PTPRO: variants seen among roughly 807,000 people sequenced by gnomAD.
The protein encoded by PTPRO is receptor-type tyrosine-protein phosphatase O.
A neutral mutation model predicts 145.2 loss-of-function variants in PTPRO; 62 were observed. The ratio of observed to expected loss-of-function variants is 0.43; its 90% CI spans 0.35 to 0.53. The LOEUF (loss-of-function observed/expected upper bound fraction) is 0.53. Ranked by LOEUF, PTPRO falls within the 20% of genes least tolerant of loss-of-function variation. PTPRO has a pLI of 0.01. For missense variants in PTPRO, 1,345 were observed against 1,482.7 expected, an observed-to-expected ratio of 0.91 and a Z score of 1.53; for synonymous variants, 565 against 514.7, an observed-to-expected ratio of 1.10 and a Z score of -1.32.
intron 1 of PTPRO, among the ~76,000 whole-genome samples, chr12:15,414,992 TAAGCTCAAAAATGAACTC>T (rs1157198635): frequency 6.6e-6 from 1 of 152,166 alleles, no homozygotes; most frequent in Non-Finnish European, 1.5e-5. Context: ...TCTTCAAGAA[TAAGCTCAAAAATGAACTC>T]CACCAATTGA....
chr12:15,354,974 C>T (rs534886976), intron 1 of PTPRO, among the ~76,000 whole-genome samples: 1 of 152,282 alleles, frequency 6.6e-6, no homozygotes, highest in Admixed American at 6.5e-5. Context: ...GCATTTCCCC[C>T]CAATACATTT....
intron 6 of PTPRO, among the ~76,000 whole-genome samples, chr12:15,505,479 G>A (rs1187520510): frequency 1.3e-5 from 2 of 151,992 alleles, no homozygotes; most frequent in Admixed American, 6.6e-5. Context: ...AGAATATGTC[G>A]GAATTGCTCA....
At chr12:15,590,466 C>G (rs781466835) in intron 25 of PTPRO, among the ~76,000 whole-genome samples, 4 of 152,166 alleles carry the variant, frequency 2.6e-5, no homozygotes, top group Non-Finnish European at 5.9e-5. Flanking sequence ...CTGGCCCGAC[C>G]TGTAATCAGG....
At chr12:15,565,379 A>G in intron 17 of PTPRO, 2 of 440,720 alleles carry the variant, frequency 4.5e-6, no homozygotes, top group South Asian at 5.4e-5. Flanking sequence ...AAGTGCAGAT[A>G]TGTTCATGCA....
rs1942275448 is a variant in PTPRO, at chr12:15,504,165, T to C, written c.1267+96T>C. ...CTCAGATGTCAATTATTCACAAACC[T>C]TAGGGATGATGAGAAGTCTTCAAGA... On this transcript the variant is annotated intron_variant, in intron 6 of 26. Transcript: ENST00000281171. The C allele has an allele frequency of 8.2e-6, 11 of 1,336,584 alleles. No homozygotes were observed. In the South Asian group the frequency reaches 1.4e-4, roughly 17 times the overall value. 82.8% of individuals were successfully genotyped at this position (1,336,584 alleles called of 1,614,324 possible).
At chr12:15,340,705 T>A (rs951663466) in intron 1 of PTPRO, among the ~76,000 whole-genome samples, 1 of 152,148 alleles carries the variant, frequency 6.6e-6, no homozygotes, top group African/African-American at 2.4e-5. Context: ...ATCTGGAGCT[T>A]TTATGGTCAA....
chr12:15,520,251 G>A lies in PTPRO; in HGVS notation c.1830G>A (p.Met610Ile), dbSNP rs1942687366. 1 of 1,613,914 alleles carries A rather than the reference G, an allele frequency of 6.2e-7. No homozygotes were observed. The highest frequency in any genetic ancestry group is 8.5e-7 in the Non-Finnish European group (1 of 1,179,886). Residue 610 changes from methionine to isoleucine, a missense_variant, in exon 10 of 27, where the codon ATG becomes ATA. Transcript: ENST00000281171. ...PAWYYNFRVT[M>I]VTWGDPELSC... is the part of the protein sequence containing the mutation. ...GGTACTACAACTTCCGGGTTACCAT[G>A]GTGACGTGGGGAGATCCAGAATTGA...
intron 19 of PTPRO, among the ~76,000 whole-genome samples, chr12:15,571,479 G>A (rs988039153): frequency 6.6e-6 from 1 of 152,038 alleles, no homozygotes; most frequent in Non-Finnish European, 1.5e-5. Flanking sequence ...GTAGAGACAG[G>A]GTTTCACCAT....
chr12:15,461,204 A>G (rs568470168), intron 1 of PTPRO, among the ~76,000 whole-genome samples: 9 of 152,308 alleles, frequency 5.9e-5, no homozygotes, highest in South Asian at 2.1e-4. Flanking sequence ...ATTTCTTTCT[A>G]TTGATCCCAG....
chr12:15,458,471 A>C (rs529797686), intron 1 of PTPRO, among the ~76,000 whole-genome samples: 1 of 151,982 alleles, frequency 6.6e-6, no homozygotes, highest in Admixed American at 6.6e-5. Context: ...CCCATAATGC[A>C]TATATAGGCC....
chr12:15,557,490 C>T lies in PTPRO; in HGVS notation c.2594C>T (p.Ser865Phe), dbSNP rs1303410498. Residue 865 changes from serine to phenylalanine, a missense_variant, in exon 16 of 27, where the codon TCC (serine) becomes TTC (phenylalanine). By Grantham distance (155) the Ser-to-Phe change is radical (BLOSUM62 -2). Transcript: ENST00000281171. Reference protein sequence around the residue: ...CGAGTFVNFASLERDGKLPYN... With the variant: ...CGAGTFVNFAFLERDGKLPYN... ...GCTGGTACATTTGTCAATTTTGCAT[C>T]CTTAGAGAGGGATGGAAAGCTTCCA... 1 of 1,613,864 alleles carries T rather than the reference C, an allele frequency of 6.2e-7. No homozygotes were observed.
At chr12:15,335,681 G>A (rs1325721229) in intron 1 of PTPRO, among the ~76,000 whole-genome samples, 1 of 151,944 alleles carries the variant, frequency 6.6e-6, no homozygotes, top group Non-Finnish European at 1.5e-5. Flanking sequence ...TAGTTTATGA[G>A]GTTTTGTTAT....
At chr12:15,581,967 A>C (rs903072720) in intron 23 of PTPRO, among the ~76,000 whole-genome samples, 166 bp downstream of exon 23, 1 of 152,238 alleles carries the variant, frequency 6.6e-6, no homozygotes, top group Admixed American at 6.5e-5. Flanking sequence ...TTAAGAGCTG[A>C]GAGCCTCGAA....
chr12:15,564,407 T>A lies in PTPRO; in HGVS notation c.2712-1186T>A, dbSNP rs180941706. Among the ~76,000 whole-genome samples the A allele has an allele frequency of 3.3e-4, 50 of 152,322 alleles. 1 individual carries two copies. In the East Asian group the frequency reaches 8.5e-3, roughly 26 times the overall value. On this transcript the variant is annotated intron_variant, in intron 17 of 26. Transcript: ENST00000281171. The stretch of plus-strand genomic sequence containing the variant: ...GGGTAACATGGCAGAGATTATTTTG[T>A]TTCAGTTCAACTGAATAAGCATTTA...
intron 1 of PTPRO, among the ~76,000 whole-genome samples, chr12:15,374,641 T>C (rs1383522128): frequency 6.6e-6 from 1 of 152,164 alleles, no homozygotes; most frequent in Non-Finnish European, 1.5e-5. Flanking sequence ...CAGGGCATTG[T>C]CACTATTTGA....
chr12:15,583,177 T>C (rs1944357162), intron 23 of PTPRO, among the ~76,000 whole-genome samples: 3 of 152,204 alleles, frequency 2.0e-5, no homozygotes, highest in African/African-American at 7.2e-5. Flanking sequence ...GGTTTTTACA[T>C]TTTTTAATGG....
chr12:15,439,692 A>T, intron 1 of PTPRO: 3 of 465,688 alleles, frequency 6.4e-6, no homozygotes, highest in South Asian at 5.0e-5. Flanking sequence ...GGCAAGGCCG[A>T]GGATGAGTGG....
chr12:15,327,626 T>A (rs1414922697), intron 1 of PTPRO, among the ~76,000 whole-genome samples: 1 of 152,260 alleles, frequency 6.6e-6, no homozygotes, highest in Non-Finnish European at 1.5e-5. Flanking sequence ...TATAGTCATC[T>A]TAAATACCCA....
At chr12:15,552,810 T>TTTG (rs1166124663) in intron 15 of PTPRO, among the ~76,000 whole-genome samples, 1 of 144,412 alleles carries the variant, frequency 6.9e-6, no homozygotes, top group Non-Finnish European at 1.5e-5. Flanking sequence ...TTTTTTTTTT[T>TTTG]TTTTTTTGAG....
Sources: allele counts gnomAD v4.1 joint callset (sites outside exome capture counted in the v4.1 genomes callset), GRCh38; gene constraint gnomAD v4.1.1; transcripts MANE v1.5; gene names NCBI Gene and HGNC (gene_info 2026-07-23, HGNC 2026-07-21).